COMMD1: variants seen among roughly 807,000 people sequenced by gnomAD.
The protein encoded by COMMD1 is COMM domain-containing protein 1.
In COMMD1, 10 loss-of-function variants were observed where a neutral mutation model predicts 17.2. The observed-to-expected ratio is 0.58, with a 90% CI of 0.36 to 0.99. The LOEUF is 0.99. Ranked by LOEUF, COMMD1 falls within the 50% of genes least tolerant of loss-of-function variation. The pLI is 0.01. For synonymous variants in COMMD1, 97 were observed against 91.6 expected, an observed-to-expected ratio of 1.06 and a Z score of -0.34; for missense variants, 270 against 231.8, an observed-to-expected ratio of 1.17 and a Z score of -1.07.
intron 1 of COMMD1, among the ~76,000 whole-genome samples, chr2:61,938,066 G>A (rs1558527840): frequency 6.6e-6 from 1 of 152,162 alleles, no homozygotes; most frequent in South Asian, 2.1e-4. Context: ...CAGGTAATTA[G>A]GCATGAGCTG....
intron 1 of COMMD1, among the ~76,000 whole-genome samples, chr2:61,912,840 G>A (rs1675504327): frequency 1.3e-5 from 2 of 152,156 alleles, no homozygotes; most frequent in African/African-American, 4.8e-5. Context: ...GAATGGCTGT[G>A]ATAGAGGTCA....
At chr2:61,908,384 G>C (rs1572950081) in intron 1 of COMMD1, among the ~76,000 whole-genome samples, 1 of 151,662 alleles carries the variant, frequency 6.6e-6, no homozygotes, top group Non-Finnish European at 1.5e-5. Context: ...GCACTGCAGC[G>C]CCCAGCTAAT....
chr2:62,107,537 T>C (rs758156748), intron 2 of COMMD1, among the ~76,000 whole-genome samples: 22 of 152,218 alleles, frequency 1.4e-4, no homozygotes, highest in Non-Finnish European at 2.6e-4. Context: ...TTCAGGCAGA[T>C]TGAAGAGAGC....
At chr2:61,907,506 G>A (rs1279949204) in intron 1 of COMMD1, among the ~76,000 whole-genome samples, 4 of 152,104 alleles carry the variant, frequency 2.6e-5, no homozygotes, top group Non-Finnish European at 5.9e-5. Flanking sequence ...TCTCCTATGG[G>A]GATGAGGCCT....
At chr2:61,966,216 A>G (rs1243542456) in intron 1 of COMMD1, among the ~76,000 whole-genome samples, 1 of 151,970 alleles carries the variant, frequency 6.6e-6, no homozygotes, top group Non-Finnish European at 1.5e-5. Flanking sequence ...GGCTTGGTTT[A>G]CTGTTAAACT....
intron 1 of COMMD1, among the ~76,000 whole-genome samples, chr2:61,984,317 C>G (rs529383844): frequency 6.6e-6 from 1 of 152,172 alleles, no homozygotes; most frequent in Non-Finnish European, 1.5e-5. Context: ...TGAGCCACCG[C>G]GCTCAACCTG....
intron 1 of COMMD1, among the ~76,000 whole-genome samples, chr2:61,939,461 G>A (rs1670684532): frequency 1.3e-5 from 2 of 150,322 alleles, no homozygotes; most frequent in East Asian, 1.9e-4. Context: ...GCAAGACTCC[G>A]TCTCAGAAAA....
chr2:61,919,332 T>C (rs1391632552), intron 1 of COMMD1, among the ~76,000 whole-genome samples: 3 of 152,132 alleles, frequency 2.0e-5, no homozygotes, highest in African/African-American at 7.2e-5. Context: ...TTTTTTGTTT[T>C]TGAGGCAGCG....
intron 2 of COMMD1, among the ~76,000 whole-genome samples, chr2:62,030,730 A>C (rs1669889255): frequency 6.6e-6 from 1 of 152,194 alleles, no homozygotes; most frequent in Admixed American, 6.5e-5. Flanking sequence ...TATTTGCTGA[A>C]GCTTTAGAAG....
At chr2:62,084,397 A>G (rs183583609) in intron 2 of COMMD1, among the ~76,000 whole-genome samples, 28 of 152,332 alleles carry the variant, frequency 1.8e-4, no homozygotes, top group Admixed American at 3.3e-4. Context: ...AATGTTATTA[A>G]GAAGATCATA....
chr2:62,123,931 T>G (rs567805529), intron 2 of COMMD1, among the ~76,000 whole-genome samples: 1 of 152,040 alleles, frequency 6.6e-6, no homozygotes, highest in Non-Finnish European at 1.5e-5. Flanking sequence ...AGGGAAATAT[T>G]TGGGAATAAA....
chr2:61,910,826 G>A (rs930427542), intron 1 of COMMD1, among the ~76,000 whole-genome samples: 1 of 152,194 alleles, frequency 6.6e-6, no homozygotes, highest in Non-Finnish European at 1.5e-5. Context: ...GCTCACGCCT[G>A]TCATCCCAGC....
At chr2:61,917,766 C>T (rs923369594) in intron 1 of COMMD1, among the ~76,000 whole-genome samples, 9 of 152,176 alleles carry the variant, frequency 5.9e-5, no homozygotes, top group Non-Finnish European at 4.4e-5. Flanking sequence ...TTCCACTCCT[C>T]GTGATCCGCC....
At chr2:61,971,158 G>A (rs1022560676) in intron 1 of COMMD1, among the ~76,000 whole-genome samples, 12 of 152,166 alleles carry the variant, frequency 7.9e-5, no homozygotes, top group Non-Finnish European at 1.5e-4. Flanking sequence ...TTGAACACTC[G>A]AACAAAGGAT....
chr2:62,134,482 C>T (rs532572693), intron 2 of COMMD1, among the ~76,000 whole-genome samples: 2 of 151,802 alleles, frequency 1.3e-5, no homozygotes, highest in East Asian at 3.9e-4. Context: ...AAAATTTATC[C>T]TTGTCTCTCA....
intron 1 of COMMD1, among the ~76,000 whole-genome samples, chr2:61,913,688 C>T (rs1311672217): frequency 6.0e-5 from 9 of 150,492 alleles, no homozygotes; most frequent in African/African-American, 2.0e-4. Flanking sequence ...CCCAGCTACT[C>T]AGGAGGCTGG....
chr2:62,051,708 T>A (rs1434676079), intron 2 of COMMD1, among the ~76,000 whole-genome samples: 2 of 152,222 alleles, frequency 1.3e-5, no homozygotes, highest in African/African-American at 4.8e-5. Flanking sequence ...AGTTATATCA[T>A]AATCGGTTCC....
chr2:62,059,945 G>GT (rs199598602), intron 2 of COMMD1, among the ~76,000 whole-genome samples: 1 of 152,026 alleles, frequency 6.6e-6, no homozygotes, highest in South Asian at 2.1e-4. Flanking sequence ...ATGAATTTTG[G>GT]GGGGGGAATT....
At chr2:62,118,578 T>A (rs1258035972) in intron 2 of COMMD1, among the ~76,000 whole-genome samples, 2 of 152,218 alleles carry the variant, frequency 1.3e-5, no homozygotes, top group East Asian at 3.8e-4. Flanking sequence ...CCTGAGTTAG[T>A]CTTCAGGGCT....
Sources: gnomAD v4.1 joint callset for allele counts (sites outside exome capture counted in the v4.1 genomes callset) on GRCh38, gnomAD v4.1.1 for gene constraint, MANE v1.5 for transcripts, NCBI Gene and HGNC (gene_info 2026-07-23, HGNC 2026-07-21) for gene names.